Variants in ATP4A observed in about 807,000 individuals in gnomAD.
ATP4A encodes ATPase H+/K+ transporting subunit alpha.
ATP4A carries 73 observed loss-of-function variants against 112.1 expected under a neutral mutation model. The observed-to-expected ratio is 0.65, with a 90% CI of 0.54 to 0.79. The LOEUF (loss-of-function observed/expected upper bound fraction) is 0.79, where lower values mean the gene tolerates loss of function less well. ATP4A is among the 30% of genes least tolerant of loss of function. The pLI is 0.00. For synonymous variants in ATP4A, 588 were observed against 588.9 expected (o/e 1.00, Z 0.02); for missense variants, 1,081 against 1,425.9 (o/e 0.76, Z 3.90).
rs773307353 is a variant in ATP4A at position 35,560,088 on chromosome 19, A to G, written c.788-15T>C. ...CTGCACGGTGCCTGCAGGGGGGCCA[A>G]GGCGCGACTCAGGGATAGGGGGCGG... On this transcript the variant is annotated splice_polypyrimidine_tract_variant and intron_variant, in intron 6 of 21. Coordinates refer to ENST00000262623, the MANE Select transcript of ATP4A (RefSeq NM_000704.3). This position sits in a 1 kb window ranked among gnomAD's most constrained non-coding sequence, Gnocchi z 5.1. The G allele has an allele frequency of 6.2e-7, 1 of 1,612,678 alleles. No individual in the cohort carries two copies. Among genetic ancestry groups the G allele is most frequent in the Non-Finnish European group, 8.5e-7 (1 of 1,179,184 alleles).
Position 35,555,734 on chromosome 19 carries a change from CGCT to C in ATP4A, c.1945_1947del (p.Ser649del), listed in dbSNP as rs1568314084. The C allele has an allele frequency of 6.2e-7, 1 of 1,613,504 alleles. No homozygotes were observed. Among genetic ancestry groups the C allele is most frequent in the East Asian group, 2.2e-5 (1 of 44,864 alleles). On this transcript the variant is annotated inframe_deletion, in exon 13 of 22. Transcript: ENST00000262623. This position sits in a 1 kb window ranked among gnomAD's most constrained non-coding sequence, Gnocchi z 6.6. Reference sequence around the variant, plus strand: ...CGGGCAGCGATGTCCTCCACTGTCTCGCTGCCTTCCGAGATGATGCCCACACTG... The same window carrying C: ...CGGGCAGCGATGTCCTCCACTGTCTCGCCTTCCGAGATGATGCCCACACTG...
chr19:35,558,204 G>A lies in ATP4A; in HGVS notation c.1500+158C>T, dbSNP rs1327145097. Among the ~76,000 whole-genome samples, 1 of 151,750 alleles carries A rather than the reference G, an allele frequency of 6.6e-6. No individual in the cohort carries two copies. ...GGTGGTGGGCGGGGCCTTGCCTCTG[G>A]TGGACGGGGCCATAGGCGGAGCGGG... On this transcript the variant is annotated intron_variant, in intron 10 of 21. Coordinates refer to ENST00000262623, the MANE Select transcript of ATP4A (RefSeq NM_000704.3). This position sits in a 1 kb window ranked among gnomAD's most constrained non-coding sequence, Gnocchi z 5.1.
chr19:35,563,110 C>T, intron 3 of ATP4A, 99 bp downstream of exon 3: 1 of 1,318,344 alleles, frequency 7.6e-7, no homozygotes, highest in Admixed American at 1.8e-5. Context: ...CTCTCTTCAT[C>T]TCTCCCTCTC....
In ATP4A at chr19:35,551,318, T is replaced by C. The variant is rs1334574892; in HGVS notation, c.2885+129A>G. ...GGGAGTTATTGGCCAGTTAGAAAGG[T>C]TTTTTTGGCATGTCACCATCTGGCA... On this transcript the variant is annotated intron_variant, in intron 19 of 21. Transcript: ENST00000262623. The surrounding 1 kb of genome is among the most constrained non-coding windows in gnomAD (Gnocchi z 5.2). 2.7e-6 allele frequency: 4 copies of C among 1,455,966 alleles called. No homozygotes were observed. The Admixed American group carries it at 5.8e-5, about 21-fold the overall frequency. The allele number at this position is 1,455,966 out of a possible 1,614,324, so 90.2% of individuals were successfully genotyped here. A position where few individuals can be genotyped will look rare whatever the true frequency, so the allele number is the denominator to read the frequency against.
Position 35,555,779 on chromosome 19 carries a change from C to A in ATP4A, c.1903G>T (p.Ala635Ser), listed in dbSNP as rs1404726499. 6.2e-7 allele frequency: 1 copy of A among 1,613,508 alleles called. No individual in the cohort carries two copies. ...CCCACACTGGCTGCAATGGCCTTGG[C>A]GGTGATGGGGTGGTCACCCGTTACC... The part of the protein sequence containing the change: ...IMVTGDHPIT[A>S]KAIAASVGII... Residue 635 changes from alanine (A) to serine (S), a missense_variant, in exon 13 of 22, where the codon GCC becomes TCC. Ala to Ser is a moderately conservative substitution (Grantham distance 99). Coordinates refer to ENST00000262623, the MANE Select transcript of ATP4A (RefSeq NM_000704.3). This position sits in a 1 kb window ranked among gnomAD's most constrained non-coding sequence, Gnocchi z 6.6.
rs2071634473 is a variant in ATP4A at position 35,556,974 on chromosome 19, A to G, written c.1808T>C (p.Ile603Thr). 2 of 1,614,188 alleles carry G rather than the reference A, an allele frequency of 1.2e-6. No individual in the cohort carries two copies. The highest frequency in any genetic ancestry group is 1.7e-6 in the Non-Finnish European group (2 of 1,180,028). Residue 603 changes from isoleucine (I) to threonine (T), a missense_variant, in exon 12 of 22, where the codon ATT becomes ACT. Physicochemically the swap from Ile to Thr is moderately conservative, Grantham distance 89. Transcript: ENST00000262623. ...GLCFAGLVSM[I>T]DPPRATVPDA... ...AGGGACGGTGGCCCGGGGTGGGTCA[A>G]TCATGGATACAAGTCCCGCAAAGCA... is the stretch of plus-strand genomic sequence containing the variant.
intron 17 of ATP4A, 45 bp downstream of exon 17, chr19:35,553,661 C>A (rs762995631): frequency 6.2e-7 from 1 of 1,605,688 alleles, no homozygotes; most frequent in Non-Finnish European, 8.5e-7. Context: ...AGCAGCCCAG[C>A]GCAGAGCCCC....
chr19:35,555,653 C>A lies in ATP4A; in HGVS notation c.2006+23G>T, dbSNP rs768595874. On this transcript the variant is annotated intron_variant, in intron 13 of 21. Coordinates refer to ENST00000262623, the MANE Select transcript of ATP4A (RefSeq NM_000704.3). The surrounding 1 kb of genome is among the most constrained non-coding windows in gnomAD (Gnocchi z 6.6). ...TCTGTGCCAGATGTGGGGAGAACCC[C>A]GGGGAGGTCTGGGGGGGCTTACTTG... is the stretch of plus-strand genomic sequence containing the variant. The A allele has an allele frequency of 2.5e-5, 39 of 1,589,852 alleles. No individual in the cohort carries two copies. The highest frequency in any genetic ancestry group is 1.7e-4 in the Middle Eastern group (1 of 6,000).
At position 35,557,865 on chromosome 19, in the gene ATP4A, A is replaced by C; in HGVS notation, c.1501-18T>G. ...ATGGACAGCTGTGGGCGGGGGGGAG[A>C]GGCGAGGCTGTGGACGGGGGAACGG... On this transcript the variant is annotated intron_variant, in intron 10 of 21. Transcript: ENST00000262623. The surrounding 1 kb of genome is among the most constrained non-coding windows in gnomAD (Gnocchi z 4.4). 1 of 1,084,546 alleles carries C rather than the reference A, an allele frequency of 9.2e-7. No individual in the cohort carries two copies. The highest frequency in any genetic ancestry group is 1.1e-6 in the Non-Finnish European group (1 of 883,990). The allele number at this position is 1,084,546 out of a possible 1,614,324, so 67.2% of individuals were successfully genotyped here. A position where few individuals can be genotyped will look rare whatever the true frequency, so the allele number is the denominator to read the frequency against.
At position 35,563,491 on chromosome 19, in the gene ATP4A, CAGG is replaced by C. The variant is rs1369559771; in HGVS notation, c.46_48del (p.Pro16del). ...TTGGCAGCCATGTCCCCGCCAGGGC[CAGG>C]ACCCAGCTCCACCGAGTAGAGCTCA... On this transcript the variant is annotated inframe_deletion, in exon 2 of 22. Coordinates refer to ENST00000262623, the MANE Select transcript of ATP4A (RefSeq NM_000704.3). The C allele has an allele frequency of 1.2e-6, 2 of 1,613,960 alleles. No individual in the cohort carries two copies. Among genetic ancestry groups the C allele is most frequent in the African/African-American group, 2.7e-5 (2 of 74,870 alleles).
Position 35,557,231 on chromosome 19 carries a change from C to G in ATP4A, c.1694-143G>C. On this transcript the variant is annotated intron_variant, in intron 11 of 21. Transcript: ENST00000262623. The surrounding 1 kb of genome is among the most constrained non-coding windows in gnomAD (Gnocchi z 4.4). ...GTGCTGACCCCTTCACTCACATTAT[C>G]TGAATCTACCCTCACAACCACCCTG... 1.1e-6 allele frequency: 1 copy of G among 934,582 alleles called. No individual in the cohort carries two copies. Among genetic ancestry groups the G allele is most frequent in the Non-Finnish European group, 1.6e-6 (1 of 627,806 alleles). The allele number at this position is 934,582 out of a possible 1,614,324, so 57.9% of individuals were successfully genotyped here. A position where few individuals can be genotyped will look rare whatever the true frequency, so the allele number is the denominator to read the frequency against.
chr19:35,563,005 T>C (rs2071680995), intron 3 of ATP4A, among the ~76,000 whole-genome samples: 1 of 143,530 alleles, frequency 7.0e-6, no homozygotes, highest in African/African-American at 2.6e-5. Flanking sequence ...TCCATCTCCC[T>C]CCCTCTCTCC....
chr19:35,560,068 C>T lies in ATP4A; in HGVS notation c.793G>A (p.Val265Met), dbSNP rs745735354. Residue 265 changes from valine (V) to methionine (M), a missense_variant, in exon 7 of 22, where the codon GTG becomes ATG. Physicochemically the swap from Val to Met is conservative, Grantham distance 21 (BLOSUM62 1). Transcript: ENST00000262623. The surrounding 1 kb of genome is among the most constrained non-coding windows in gnomAD (Gnocchi z 5.1). ...FFSTMCLEGT[V>M]QGLVVNTGDR... ...CCCGTGTTCACCACCAGGCCCTGCA[C>T]GGTGCCTGCAGGGGGGCCAAGGCGC... 20 of 1,613,326 alleles carry T rather than the reference C, an allele frequency of 1.2e-5. No individual in the cohort carries two copies. Among genetic ancestry groups the T allele is most frequent in the Middle Eastern group, 1.6e-4 (1 of 6,082 alleles).
chr19:35,557,536 C>T lies in ATP4A; in HGVS notation c.1693+119G>A. 5 of 1,253,074 alleles carry T rather than the reference C, an allele frequency of 4.0e-6. No individual in the cohort carries two copies. Among genetic ancestry groups the T allele is most frequent in the Non-Finnish European group, 3.3e-6 (3 of 916,654 alleles). The allele number at this position is 1,253,074 out of a possible 1,614,324, so 77.6% of individuals were successfully genotyped here. ...AAGTCAAGGGTGAGGCTGTGGACTG[C>T]GACAAATCAGCCAGCAGCCAGGGAT... On this transcript the variant is annotated intron_variant, in intron 11 of 21. Coordinates refer to ENST00000262623, the MANE Select transcript of ATP4A (RefSeq NM_000704.3). The surrounding 1 kb of genome is among the most constrained non-coding windows in gnomAD (Gnocchi z 4.4).
At position 35,551,719 on chromosome 19, in the gene ATP4A, G is replaced by C; in HGVS notation, c.2752-139C>G. Reference sequence around the variant, plus strand: ...CTGCCTTGCATCAGAGTGTGGGGGTGGGGGGAAGGAGAGAGGCAGGGTCTG... The same window carrying C: ...CTGCCTTGCATCAGAGTGTGGGGGTCGGGGGAAGGAGAGAGGCAGGGTCTG... On this transcript the variant is annotated intron_variant, in intron 18 of 21. Coordinates refer to ENST00000262623, the MANE Select transcript of ATP4A (RefSeq NM_000704.3). This position sits in a 1 kb window ranked among gnomAD's most constrained non-coding sequence, Gnocchi z 5.2. 2 of 1,170,174 alleles carry C rather than the reference G, an allele frequency of 1.7e-6. No individual in the cohort carries two copies. Among genetic ancestry groups the C allele is most frequent in the Admixed American group, 2.2e-5 (1 of 45,380 alleles). 72.5% of individuals were successfully genotyped at this position (1,170,174 alleles called of 1,614,324 possible). A position where few individuals can be genotyped will look rare whatever the true frequency, so the allele number is the denominator to read the frequency against.
rs1747256850 is a variant in ATP4A, at chr19:35,558,912, C to T, written c.1255+81G>A. 17 of 1,547,510 alleles carry T rather than the reference C, an allele frequency of 1.1e-5. No homozygotes were observed. Among genetic ancestry groups the T allele is most frequent in the Non-Finnish European group, 1.5e-5 (17 of 1,129,344 alleles). On this transcript the variant is annotated intron_variant, in intron 8 of 21. Coordinates refer to ENST00000262623, the MANE Select transcript of ATP4A (RefSeq NM_000704.3). The surrounding 1 kb of genome is among the most constrained non-coding windows in gnomAD (Gnocchi z 5.1). ...AGCCGCCCCGCCTTCGTACAAAGCC[C>T]TCCCTACCTCCCTATCCCTCTTCAG...
At chr19:35,554,403 T>C (rs1034423781) in intron 16 of ATP4A, among the ~76,000 whole-genome samples, 1 of 152,166 alleles carries the variant, frequency 6.6e-6, no homozygotes, top group Non-Finnish European at 1.5e-5. Flanking sequence ...ACTCATCTCA[T>C]AGTGTGGTTA....
At position 35,558,948 on chromosome 19, in the gene ATP4A, T is replaced by C; in HGVS notation, c.1255+45A>G. On this transcript the variant is annotated intron_variant, in intron 8 of 21. Coordinates refer to ENST00000262623, the MANE Select transcript of ATP4A (RefSeq NM_000704.3). This position sits in a 1 kb window ranked among gnomAD's most constrained non-coding sequence, Gnocchi z 5.1. ...CCTATCCCTCTTCAGGTCTCCACCA[T>C]CCACCAGATCCTGCCCTGGCGCCTG... 1 of 1,607,158 alleles carries C rather than the reference T, an allele frequency of 6.2e-7. No individual in the cohort carries two copies.
Position 35,555,798 on chromosome 19 carries a change from C to T in ATP4A, c.1884G>A (p.Thr628=), listed in dbSNP as rs1023068872. 16 of 1,612,170 alleles carry T rather than the reference C, an allele frequency of 9.9e-6. No individual in the cohort carries two copies. The highest frequency in any genetic ancestry group is 1.2e-5 in the Non-Finnish European group (14 of 1,178,708). ...CCTTGGCGGTGATGGGGTGGTCACC[C>T]GTTACCATGATCACCTGTAGGGGGA... ...RTAGIRVIMV[T]GDHPITAKAI... is the part of the protein sequence containing the mutation. Residue 628 remains threonine (T), a synonymous_variant, in exon 13 of 22, where the codon ACG becomes ACA. Coordinates refer to ENST00000262623, the MANE Select transcript of ATP4A (RefSeq NM_000704.3). The surrounding 1 kb of genome is among the most constrained non-coding windows in gnomAD (Gnocchi z 6.6).
Sources: allele counts gnomAD v4.1 joint callset (sites outside exome capture counted in the v4.1 genomes callset), GRCh38; gene constraint gnomAD v4.1.1; non-coding constraint Gnocchi (gnomAD v3.1); transcripts MANE v1.5; gene names NCBI Gene and HGNC (gene_info 2026-07-23, HGNC 2026-07-21).